The following CAMK2B variants were observed in gnomAD, a reference collection of about 807,000 sequenced individuals.
CAMK2B encodes the protein calcium/calmodulin-dependent protein kinase type II subunit beta.
CAMK2B carries 27 observed loss-of-function variants against 93.7 expected under a neutral mutation model. That is an observed-to-expected ratio of 0.29 (90% confidence interval 0.21 to 0.40). The LOEUF (loss-of-function observed/expected upper bound fraction) is 0.40. Among genes scored for constraint, CAMK2B ranks in the 10% least tolerant of loss-of-function variants. CAMK2B has a pLI of 1.00. For missense variants in CAMK2B, 568 were observed against 895.8 expected, an observed-to-expected ratio of 0.63 and a Z score of 4.67; for synonymous variants, 374 against 358.8, an observed-to-expected ratio of 1.04 and a Z score of -0.48.
In CAMK2B at chr7:44,220,817, G is replaced by C; in HGVS notation, c.1673+9C>G. 2.6e-6 allele frequency: 4 copies of C among 1,562,534 alleles called. No homozygotes were observed. In the South Asian group the frequency reaches 3.5e-5, roughly 14 times the overall value. ...CCTGCACAGCCCCCCCCCAGCCCCA[G>C]GGACTCACGCGTAGGCCTCAAAGTC... On this transcript the variant is annotated intron_variant, in intron 21 of 23. Coordinates refer to ENST00000395749, the MANE Select transcript of CAMK2B (RefSeq NM_001220.5).
intron 6 of CAMK2B, chr7:44,244,864 C>A: frequency 2.2e-6 from 1 of 450,720 alleles, no homozygotes; most frequent in South Asian, 1.6e-5. Flanking sequence ...GCATTGGGGG[C>A]TTCTGTCCCC....
rs1785088887 is a variant in CAMK2B at position 44,286,331 on chromosome 7, G to C, written c.66-2106C>G. Among the ~76,000 whole-genome samples, 1 of 152,208 alleles carries C rather than the reference G, an allele frequency of 6.6e-6. No homozygotes were observed. Among genetic ancestry groups the C allele is most frequent in the South Asian group, 2.1e-4 (1 of 4,832 alleles). The stretch of plus-strand genomic sequence containing the variant: ...TGTTCTGGACCAGGCCCTGAAGGGA[G>C]CAGGGAGTCTGGGCCTCCGTGCGCC... On this transcript the variant is annotated intron_variant, in intron 1 of 23. Transcript: ENST00000395749. This position sits in a 1 kb window ranked among gnomAD's most constrained non-coding sequence, Gnocchi z 4.0.
intron 1 of CAMK2B, among the ~76,000 whole-genome samples, chr7:44,297,968 A>T (rs955551506): frequency 2.6e-5 from 4 of 152,192 alleles, no homozygotes; most frequent in African/African-American, 9.6e-5. Flanking sequence ...TATTAAAAAT[A>T]CAAAAATTAG....
At chr7:44,245,410 C>G (rs560202783) in intron 6 of CAMK2B, among the ~76,000 whole-genome samples, 1 of 152,364 alleles carries the variant, frequency 6.6e-6, no homozygotes, top group African/African-American at 2.4e-5. Context: ...TCCTGTCCCC[C>G]TCAACAGGAG....
intron 2 of CAMK2B, among the ~76,000 whole-genome samples, chr7:44,269,551 G>A (rs1183520162): frequency 6.6e-6 from 1 of 152,154 alleles, no homozygotes; most frequent in Non-Finnish European, 1.5e-5. Context: ...CTCACAGCAG[G>A]GGGTGGGGGG....
At chr7:44,305,529 A>G (rs993198279) in intron 1 of CAMK2B, among the ~76,000 whole-genome samples, 1 of 151,990 alleles carries the variant, frequency 6.6e-6, no homozygotes, top group African/African-American at 2.4e-5. Flanking sequence ...CCCCCAATCA[A>G]CCTCTTGCCG....
At chr7:44,266,157 T>A in intron 2 of CAMK2B, among the ~76,000 whole-genome samples, 1 of 152,170 alleles carries the variant, frequency 6.6e-6, no homozygotes, top group East Asian at 1.9e-4. Flanking sequence ...TCTTAAATTT[T>A]AAAAATTCGG....
rs542369136 is a variant in CAMK2B, at chr7:44,296,470, T to C, written c.66-12245A>G. 1.1e-4 allele frequency among the ~76,000 whole-genome samples: 16 copies of C among 151,934 alleles called. No homozygotes were observed. The South Asian group carries it at 3.3e-3, about 32-fold the overall frequency. On this transcript the variant is annotated intron_variant, in intron 1 of 23. Coordinates refer to ENST00000395749, the MANE Select transcript of CAMK2B (RefSeq NM_001220.5). ...AAAAATTACAAAAGATATAAACACA[T>C]GTAATGGAAATATCAGAAGGAGAAG... is the stretch of plus-strand genomic sequence containing the variant.
At chr7:44,325,032 C>G (rs1797138615) in intron 1 of CAMK2B, 1 of 151,578 alleles carries the variant, frequency 6.6e-6, no homozygotes, top group Non-Finnish European at 1.5e-5. Flanking sequence ...CTGACCTCCC[C>G]GCCGCCAAAT....
chr7:44,302,638 G>A (rs1790389879), intron 1 of CAMK2B, among the ~76,000 whole-genome samples: 1 of 151,954 alleles, frequency 6.6e-6, no homozygotes, highest in South Asian at 2.1e-4. Context: ...GCGTCAACAA[G>A]GTAAAGAGGA....
intron 2 of CAMK2B, among the ~76,000 whole-genome samples, 198 bp from the exon 3 acceptor site, chr7:44,263,262 G>T (rs1292706307): frequency 6.6e-6 from 1 of 152,252 alleles, no homozygotes; most frequent in African/African-American, 2.4e-5. Context: ...CAGCCGGCTT[G>T]TGTTTGGGAT....
At chr7:44,229,343 G>T in intron 18 of CAMK2B, 45 bp downstream of exon 18, 1 of 1,355,832 alleles carries the variant, frequency 7.4e-7, no homozygotes, top group African/African-American at 1.5e-5. Flanking sequence ...GGGGTTGCCA[G>T]CCCTCCAACA....
At chr7:44,290,987 T>C (rs963159243) in intron 1 of CAMK2B, among the ~76,000 whole-genome samples, 1 of 152,206 alleles carries the variant, frequency 6.6e-6, no homozygotes, top group African/African-American at 2.4e-5. Flanking sequence ...GATGTTTGGA[T>C]GTGTGCAAGT....
intron 1 of CAMK2B, among the ~76,000 whole-genome samples, chr7:44,299,122 T>C (rs577058570): frequency 3.9e-5 from 6 of 152,250 alleles, no homozygotes; most frequent in South Asian, 4.1e-4. Context: ...TTCACAATAG[T>C]CAAAAGTAGA....
intron 13 of CAMK2B, among the ~76,000 whole-genome samples, chr7:44,236,658 T>C (rs977639939): frequency 6.6e-5 from 10 of 152,330 alleles, no homozygotes; most frequent in African/African-American, 1.9e-4. Context: ...TAACTTGCTA[T>C]GGAGGGAGAG....
intron 13 of CAMK2B, among the ~76,000 whole-genome samples, chr7:44,236,089 T>G (rs1053574806): frequency 6.6e-6 from 1 of 152,224 alleles, no homozygotes; most frequent in African/African-American, 2.4e-5. Flanking sequence ...GCTGGACATC[T>G]GTTCCATAAG....
intron 1 of CAMK2B, among the ~76,000 whole-genome samples, chr7:44,306,543 T>C (rs1267457142): frequency 1.3e-5 from 2 of 152,150 alleles, no homozygotes; most frequent in African/African-American, 4.8e-5. Flanking sequence ...ACTGTGCCCA[T>C]GCTCTTCCAA....
Position 44,321,420 on chromosome 7 carries a change from A to G in CAMK2B, c.65+3937T>C, listed in dbSNP as rs116491580. 5.6e-3 allele frequency among the ~76,000 whole-genome samples: 857 copies of G among 151,912 alleles called. 9 individuals are homozygous for G. The highest frequency in any genetic ancestry group is 0.02 in the African/African-American group (825 of 41,414). Reference sequence around the variant, plus strand: ...TTGGGCCTATCTCAGGTTTAGTGGGAGAGATGGGAGGGGTGGGAGATGCCC... The same window carrying G: ...TTGGGCCTATCTCAGGTTTAGTGGGGGAGATGGGAGGGGTGGGAGATGCCC... On this transcript the variant is annotated intron_variant, in intron 1 of 23. Coordinates refer to ENST00000395749, the MANE Select transcript of CAMK2B (RefSeq NM_001220.5).
At chr7:44,220,560 G>A in intron 22 of CAMK2B, 56 bp downstream of exon 22, 3 of 1,457,932 alleles carry the variant, frequency 2.1e-6, no homozygotes, top group Middle Eastern at 2.0e-4. Context: ...GGGAGGGGCC[G>A]AGAGGCTCTC....
Sources: allele counts gnomAD v4.1 joint callset (sites outside exome capture counted in the v4.1 genomes callset), GRCh38; gene constraint gnomAD v4.1.1; non-coding constraint Gnocchi (gnomAD v3.1); transcripts MANE v1.5; gene names NCBI Gene and HGNC (gene_info 2026-07-23, HGNC 2026-07-21).